Variants in MYL4 observed in about 807,000 individuals in gnomAD.
MYL4 encodes the protein myosin light chain 4.
A neutral mutation model predicts 21.6 loss-of-function variants in MYL4; 16 were observed. The ratio of observed to expected loss-of-function variants is 0.74; its 90% confidence interval spans 0.50 to 1.12. MYL4 has a LOEUF of 1.12. Ranked by LOEUF, MYL4 falls within the 50% of genes most tolerant of loss-of-function variation. MYL4 has a pLI of 0.00. For synonymous variants in MYL4, 82 were observed against 95.7 expected, an observed-to-expected ratio of 0.86 and a Z score of 0.83; for missense variants, 249 against 252.9, an observed-to-expected ratio of 0.98 and a Z score of 0.11.
At chr17:47,221,285 T>C (rs901315575) in intron 3 of MYL4, among the ~76,000 whole-genome samples, 2 of 152,194 alleles carry the variant, frequency 1.3e-5, no homozygotes, top group Non-Finnish European at 2.9e-5. Flanking sequence ...CCTGTGATTA[T>C]AGGTCTGTCA....
rs1039613708 is a variant in MYL4 at position 47,222,941 on chromosome 17, A to G, written c.566-73A>G. 5.1e-6 allele frequency: 8 copies of G among 1,568,348 alleles called. No individual in the cohort carries two copies. In the East Asian group the frequency reaches 1.8e-4, roughly 35 times the overall value. On this transcript the variant is annotated intron_variant, in intron 5 of 6. Transcript: ENST00000393450. Reference sequence around the variant, plus strand: ...AGGAGGGTTAGAAGTCAGGCAGTGTAGAGAAGGGACAAGTGGTTTATGGGC... The same window carrying G: ...AGGAGGGTTAGAAGTCAGGCAGTGTGGAGAAGGGACAAGTGGTTTATGGGC...
upstream of MYL4, among the ~76,000 whole-genome samples, chr17:47,207,874 C>G (rs897414564): frequency 4.6e-5 from 7 of 152,162 alleles, no homozygotes; most frequent in Non-Finnish European, 8.8e-5. Context: ...CCCTTACCCC[C>G]TAGGTCCCCA....
intron 2 of MYL4, among the ~76,000 whole-genome samples, chr17:47,219,443 T>TC (rs2064837725): frequency 6.6e-6 from 1 of 151,640 alleles, no homozygotes; most frequent in Non-Finnish European, 1.5e-5. Flanking sequence ...ATTTCAGGAG[T>TC]CAGGAACCTC....
intron 1 of MYL4, 89 bp downstream of exon 1, chr17:47,209,646 T>C: frequency 6.2e-7 from 1 of 1,600,954 alleles, no homozygotes; most frequent in Non-Finnish European, 8.6e-7. Context: ...TTATGTGGGC[T>C]GGACTGGGAT....
downstream of MYL4, among the ~76,000 whole-genome samples, chr17:47,225,132 G>C (rs140178092): frequency 1.3e-4 from 20 of 152,296 alleles, no homozygotes; most frequent in African/African-American, 4.3e-4. Context: ...ACAGAACTCT[G>C]TGAAACATCT....
intron 1 of MYL4, among the ~76,000 whole-genome samples, chr17:47,210,949 G>A (rs538198458): frequency 6.6e-6 from 1 of 152,204 alleles, no homozygotes; most frequent in East Asian, 1.9e-4. Context: ...TTCCCATAAA[G>A]CACTGTGCCT....
At chr17:47,189,694 T>C in the MYL4 span, among the ~76,000 whole-genome samples, 1 of 152,228 alleles carries the variant, frequency 6.6e-6, no homozygotes, top group African/African-American at 2.4e-5. Flanking sequence ...ACAGCAGAGT[T>C]TGGGGCTGTC....
the MYL4 span, among the ~76,000 whole-genome samples, chr17:47,190,390 C>A: frequency 1.3e-5 from 2 of 152,276 alleles, no homozygotes; most frequent in South Asian, 2.1e-4. Context: ...CCTTCTCCCC[C>A]CAAAAAGAGT....
chr17:47,206,901 G>A (rs2064730130), upstream of MYL4, among the ~76,000 whole-genome samples: 1 of 152,204 alleles, frequency 6.6e-6, no homozygotes, highest in Admixed American at 6.5e-5. Context: ...GATGCAGGTG[G>A]AGGTGGAGAA....
chr17:47,194,968 T>C, the MYL4 span, among the ~76,000 whole-genome samples: 2 of 151,586 alleles, frequency 1.3e-5, no homozygotes, highest in African/African-American at 4.9e-5. Flanking sequence ...CTCGAACTCC[T>C]GAGCTCAAGT....
chr17:47,200,389 C>T (rs2064705030), upstream of MYL4: 1 of 152,154 alleles, frequency 6.6e-6, no homozygotes, highest in African/African-American at 2.4e-5. Flanking sequence ...TTCCTTGCCC[C>T]CTTGGGGGCT....
upstream of MYL4, among the ~76,000 whole-genome samples, chr17:47,205,092 C>T (rs1193534665): frequency 1.3e-5 from 2 of 152,140 alleles, no homozygotes; most frequent in Non-Finnish European, 2.9e-5. Flanking sequence ...GAGCTCAGCC[C>T]AAATGAGGGC....
chr17:47,219,374 C>A (rs1044396985), intron 2 of MYL4, among the ~76,000 whole-genome samples: 1 of 152,204 alleles, frequency 6.6e-6, no homozygotes, highest in Non-Finnish European at 1.5e-5. Context: ...TGAGGCAGAG[C>A]CAAGATGAGA....
downstream of MYL4, among the ~76,000 whole-genome samples, chr17:47,225,516 G>C (rs577846131): frequency 6.6e-6 from 1 of 152,282 alleles, no homozygotes; most frequent in South Asian, 2.1e-4. Context: ...CTCTAACTAG[G>C]CTCCTTGGAG....
chr17:47,193,823 T>G, the MYL4 span, among the ~76,000 whole-genome samples: 1 of 151,984 alleles, frequency 6.6e-6, no homozygotes, highest in Non-Finnish European at 1.5e-5. Flanking sequence ...TGGTGTGATC[T>G]CAGCCCGCTG....
At chr17:47,211,771 G>T (rs1327042145) in intron 1 of MYL4, among the ~76,000 whole-genome samples, 1 of 152,056 alleles carries the variant, frequency 6.6e-6, no homozygotes, top group African/African-American at 2.4e-5. Flanking sequence ...GAGACAGGAT[G>T]GGCACAGCAC....
At chr17:47,192,578 A>T in the MYL4 span, among the ~76,000 whole-genome samples, 1 of 151,180 alleles carries the variant, frequency 6.6e-6, no homozygotes. Context: ...TGAATCTGGG[A>T]GGCGGAGCTT....
At chr17:47,221,950 A>G in intron 4 of MYL4, 95 bp downstream of exon 4, 2 of 1,385,558 alleles carry the variant, frequency 1.4e-6, no homozygotes, top group Non-Finnish European at 2.0e-6. Context: ...GGGGTGGTAT[A>G]CAAGGGTCTT....
chr17:47,203,183 T>C lies in MYL4; in HGVS notation c.-35+2597T>C, dbSNP rs189819703. On this transcript the variant is annotated intron_variant and NMD_transcript_variant, in intron 1 of 6. Transcript: ENST00000571981. ...CCAGGCTGGTCTTGAACTCCTGACC[T>C]CAAGTGATCTGCCTGCCTCAGCCTC... is the stretch of plus-strand genomic sequence containing the variant. Among the ~76,000 whole-genome samples, 372 of 152,320 alleles carry C rather than the reference T, an allele frequency of 2.4e-3. 1 individual carries two copies. Among genetic ancestry groups the C allele is most frequent in the African/African-American group, 8.4e-3 (350 of 41,570 alleles).
Sources: allele counts gnomAD v4.1 joint callset (sites outside exome capture counted in the v4.1 genomes callset), GRCh38; gene constraint gnomAD v4.1.1; transcripts MANE v1.5; gene names NCBI Gene and HGNC (gene_info 2026-07-23, HGNC 2026-07-21).